NAP1L1: variants seen among roughly 807,000 people sequenced by gnomAD.
NAP1L1 encodes nucleosome assembly protein 1 like 1.
In NAP1L1, 9 loss-of-function variants were observed where a neutral mutation model predicts 58.9. The observed-to-expected ratio is 0.15, with a 90% CI of 0.09 to 0.27. The LOEUF is 0.27. Ranked by LOEUF, NAP1L1 falls within the 10% of genes least tolerant of loss-of-function variation. NAP1L1 has a pLI of 1.00. For missense variants in NAP1L1, 302 were observed against 458.8 expected, an observed-to-expected ratio of 0.66 and a Z score of 3.12; for synonymous variants, 130 against 138.3, an observed-to-expected ratio of 0.94 and a Z score of 0.42.
intron 1 of NAP1L1, among the ~76,000 whole-genome samples, chr12:76,077,821 TA>T (rs1486913395): frequency 4.0e-5 from 6 of 151,242 alleles, no homozygotes; most frequent in African/African-American, 1.5e-4. Flanking sequence ...CAGTCTCTAC[TA>T]AAATACAAAA....
rs1389563535 is a variant in NAP1L1 at position 76,046,034 on chromosome 12, T to C, written c.*2395A>G. On this transcript the variant is annotated 3_prime_UTR_variant, in exon 15 of 15. Transcript: ENST00000618691. Reference sequence around the variant, plus strand: ...ACTCCACTTAGCAGGGATTGTGAGGTTGCTCTTAAAATTATATATTTACAG... The same window carrying C: ...ACTCCACTTAGCAGGGATTGTGAGGCTGCTCTTAAAATTATATATTTACAG... 2 of 151,962 alleles carry C rather than the reference T, an allele frequency of 1.3e-5. No individual in the cohort carries two copies. The highest frequency in any genetic ancestry group is 2.4e-5 in the African/African-American group (1 of 41,424). 9.4% of individuals were successfully genotyped at this position (151,962 alleles called of 1,614,324 possible).
chr12:76,073,113 G>A (rs1056751275), intron 2 of NAP1L1, among the ~76,000 whole-genome samples: 2 of 151,288 alleles, frequency 1.3e-5, no homozygotes, highest in African/African-American at 4.9e-5. Context: ...CACTCTTCTC[G>A]TTTTTTTTAA....
At chr12:76,083,615 G>A (rs1170010389) in intron 1 of NAP1L1, among the ~76,000 whole-genome samples, 5 of 151,882 alleles carry the variant, frequency 3.3e-5, no homozygotes, top group African/African-American at 7.3e-5. Flanking sequence ...CCCTGATCAA[G>A]ACACCCATCT....
Position 76,043,206 on chromosome 12 carries a change from C to G in NAP1L1, c.*5223G>C, listed in dbSNP as rs1948567035. ...AATGTTCTGACCTTCAAATGGCTGACTTGGTCTATCAATCATGTCTTCCTT... is the reference window on the plus strand; with the variant it reads ...AATGTTCTGACCTTCAAATGGCTGAGTTGGTCTATCAATCATGTCTTCCTT... On this transcript the variant is annotated 3_prime_UTR_variant, in exon 15 of 15. Transcript: ENST00000618691. The G allele has an allele frequency of 6.6e-6, 1 of 152,114 alleles. No homozygotes were observed. The highest frequency in any genetic ancestry group is 2.1e-4 in the South Asian group (1 of 4,828). 9.4% of individuals were successfully genotyped at this position (152,114 alleles called of 1,614,324 possible). A position where few individuals can be genotyped will look rare whatever the true frequency, so the allele number is the denominator to read the frequency against.
At chr12:76,058,556 T>G (rs948013700) in intron 6 of NAP1L1, among the ~76,000 whole-genome samples, 7 of 151,912 alleles carry the variant, frequency 4.6e-5, no homozygotes, top group Non-Finnish European at 8.8e-5. Context: ...CCAGCTAATA[T>G]TTTGTATTTT....
At position 76,044,464 on chromosome 12, in the gene NAP1L1, T is replaced by G. The variant is rs1948579506; in HGVS notation, c.*3965A>C. On this transcript the variant is annotated 3_prime_UTR_variant, in exon 15 of 15. Transcript: ENST00000618691. ...AGGAAAATTAAACAACCAGACTGAC[T>G]TATTTCCCGCCAGTAATCTATTATT... The G allele has an allele frequency of 6.6e-6, 1 of 152,198 alleles. No individual in the cohort carries two copies. The allele number at this position is 152,198 out of a possible 1,614,324, so 9.4% of individuals were successfully genotyped here.
rs1333475287 is a variant in NAP1L1 at position 76,040,215 on chromosome 12, C to A, written c.*8214G>T. 3 of 152,174 alleles carry A rather than the reference C, an allele frequency of 2.0e-5. No homozygotes were observed. The highest frequency in any genetic ancestry group is 4.4e-5 in the Non-Finnish European group (3 of 68,024). 9.4% of individuals were successfully genotyped at this position (152,174 alleles called of 1,614,324 possible). ...CATTTTGGAAAACGACTGCAACAAA[C>A]TAAGCCCAGTCAGAAAAATTTTGCT... On this transcript the variant is annotated 3_prime_UTR_variant, in exon 15 of 15. Coordinates refer to ENST00000618691, the MANE Select transcript of NAP1L1 (RefSeq NM_004537.7).
At chr12:76,053,938 A>C in intron 8 of NAP1L1, 29 bp from the exon 9 acceptor site, 1 of 1,587,092 alleles carries the variant, frequency 6.3e-7, no homozygotes, top group Non-Finnish European at 8.5e-7. Context: ...AAAATCAGTT[A>C]AATACCTACC....
chr12:76,053,148 G>T (rs1164487307), intron 10 of NAP1L1, 38 bp from the exon 11 acceptor site: 1 of 1,612,198 alleles, frequency 6.2e-7, no homozygotes, highest in South Asian at 1.1e-5. Context: ...TGAATAAGAA[G>T]CTAAGCAATG....
intron 8 of NAP1L1, among the ~76,000 whole-genome samples, chr12:76,054,164 G>A (rs1221379474): frequency 6.6e-6 from 1 of 152,024 alleles, no homozygotes; most frequent in Non-Finnish European, 1.5e-5. Context: ...CAATTATCTG[G>A]GATTATAGGT....
In NAP1L1 at chr12:76,045,898, A is replaced by C. The variant is rs1948599184; in HGVS notation, c.*2531T>G. 6.6e-6 allele frequency: 1 copy of C among 152,034 alleles called. No individual in the cohort carries two copies. The highest frequency in any genetic ancestry group is 2.1e-4 in the South Asian group (1 of 4,830). The allele number at this position is 152,034 out of a possible 1,614,324, so 9.4% of individuals were successfully genotyped here. A position where few individuals can be genotyped will look rare whatever the true frequency, so the allele number is the denominator to read the frequency against. On this transcript the variant is annotated 3_prime_UTR_variant, in exon 15 of 15. Transcript: ENST00000618691. Reference sequence around the variant, plus strand: ...GTGTGCATGGGCTGCTGGAAACTACAATCAGAGTGTAAAGACAAATCTCAA... The same window carrying C: ...GTGTGCATGGGCTGCTGGAAACTACCATCAGAGTGTAAAGACAAATCTCAA...
At position 76,048,274 on chromosome 12, in the gene NAP1L1, G is replaced by A. The variant is rs1000030196; in HGVS notation, c.*155C>T. 2.7e-6 allele frequency: 2 copies of A among 728,538 alleles called. No individual in the cohort carries two copies. Among genetic ancestry groups the A allele is most frequent in the African/African-American group, 3.6e-5 (2 of 55,720 alleles). 45.1% of individuals were successfully genotyped at this position (728,538 alleles called of 1,614,324 possible). On this transcript the variant is annotated 3_prime_UTR_variant, in exon 15 of 15. Coordinates refer to ENST00000618691, the MANE Select transcript of NAP1L1 (RefSeq NM_004537.7). ...GAAAAACTAGTTAAAATGCTAGGTA[G>A]AACAAATTGGTCTTTAAAATATCAG...
At chr12:76,057,304 T>G (rs1022258050) in intron 6 of NAP1L1, 3 of 317,466 alleles carry the variant, frequency 9.4e-6, no homozygotes, top group Non-Finnish European at 1.8e-5. Context: ...ACAAAAAAAC[T>G]ATAAAATGTA....
At chr12:76,082,693 C>T (rs1950455535) in intron 1 of NAP1L1, among the ~76,000 whole-genome samples, 1 of 152,178 alleles carries the variant, frequency 6.6e-6, no homozygotes, top group Non-Finnish European at 1.5e-5. Flanking sequence ...CAACTTCAAA[C>T]AAGCTTGAAA....
At chr12:76,082,691 A>T (rs1950455436) in intron 1 of NAP1L1, among the ~76,000 whole-genome samples, 1 of 152,198 alleles carries the variant, frequency 6.6e-6, no homozygotes, top group Non-Finnish European at 1.5e-5. Flanking sequence ...GGCAACTTCA[A>T]ACAAGCTTGA....
Position 76,045,081 on chromosome 12 carries a change from A to G in NAP1L1, c.*3348T>C, listed in dbSNP as rs1019580216. On this transcript the variant is annotated 3_prime_UTR_variant, in exon 15 of 15. Transcript: ENST00000618691. Reference sequence around the variant, plus strand: ...ATTATGAACACATATTTCCAAAAACAAAATCAAGCTCATAATTACCAAGTA... The same window carrying G: ...ATTATGAACACATATTTCCAAAAACGAAATCAAGCTCATAATTACCAAGTA... 6.6e-6 allele frequency: 1 copy of G among 152,162 alleles called. No individual in the cohort carries two copies. Among genetic ancestry groups the G allele is most frequent in the Non-Finnish European group, 1.5e-5 (1 of 67,984 alleles). The allele number at this position is 152,162 out of a possible 1,614,324, so 9.4% of individuals were successfully genotyped here.
chr12:76,067,533 A>C (rs923218273), intron 3 of NAP1L1, 60 bp from the exon 4 acceptor site: 1 of 1,360,074 alleles, frequency 7.4e-7, no homozygotes, highest in African/African-American at 1.4e-5. Context: ...TGCTTTTTTA[A>C]TAGGACAATC....
intron 1 of NAP1L1, among the ~76,000 whole-genome samples, chr12:76,078,125 A>C (rs1950265614): frequency 6.6e-6 from 1 of 152,182 alleles, no homozygotes; most frequent in Admixed American, 6.5e-5. Context: ...AAACAGGAGC[A>C]GAAGGAAGGC....
intron 1 of NAP1L1, among the ~76,000 whole-genome samples, chr12:76,075,464 G>T (rs1012336494): frequency 6.6e-6 from 1 of 152,162 alleles, no homozygotes; most frequent in Non-Finnish European, 1.5e-5. Flanking sequence ...CCTGATTTTA[G>T]CAGTTAAGTG....
Sources: allele counts gnomAD v4.1 joint callset (sites outside exome capture counted in the v4.1 genomes callset), GRCh38; gene constraint gnomAD v4.1.1; transcripts MANE v1.5; gene names NCBI Gene and HGNC (gene_info 2026-07-23, HGNC 2026-07-21).